The following FASTKD5 variants were observed in gnomAD, a reference collection of about 807,000 sequenced individuals.
FASTKD5 encodes the protein non-canonical pre-mRNAs endonuclease FASTKD5, mitochondrial.
FASTKD5 carries 30 observed loss-of-function variants against 44.0 expected under a neutral mutation model. That is an observed-to-expected ratio of 0.68 (90% CI 0.51 to 0.93). FASTKD5 has a LOEUF of 0.93. FASTKD5 is among the 40% of genes least tolerant of loss of function. The probability of loss-of-function intolerance (pLI) is 0.00; values close to 1 mark genes in which losing one functional copy is unlikely to be tolerated. For missense variants in FASTKD5, 868 were observed against 908.2 expected, an observed-to-expected ratio of 0.96 and a Z score of 0.57; for synonymous variants, 335 against 342.2, an observed-to-expected ratio of 0.98 and a Z score of 0.23.
At position 3,147,119 on chromosome 20, in the gene FASTKD5, C is replaced by T; in HGVS notation, c.1952G>A (p.Gly651Glu). The stretch of plus-strand genomic sequence containing the variant: ...ATTCTCCAACTCCATGGGCTGCTGC[C>T]CAGGCTCTGACTCAGTTTTGCCCTG... ...HFQGKTESEP[G>E]QQPMELENKA... The change falls in exon 2 of 2, where the codon GGG becomes GAG. Residue 651 changes from glycine to glutamate, a missense_variant. Coordinates refer to ENST00000380266, the MANE Select transcript of FASTKD5 (RefSeq NM_021826.5). 1.2e-6 allele frequency: 2 copies of T among 1,613,856 alleles called. No individual in the cohort carries two copies. Among genetic ancestry groups the T allele is most frequent in the Non-Finnish European group, 1.7e-6 (2 of 1,180,032 alleles).
chr20:3,154,394 A>G (rs548137826), intron 1 of FASTKD5, among the ~76,000 whole-genome samples: 5 of 152,370 alleles, frequency 3.3e-5, no homozygotes, highest in Non-Finnish European at 5.9e-5. Context: ...AGAATATGTT[A>G]CCACAGGCAG....
In FASTKD5 at chr20:3,148,789, G is replaced by GC; in HGVS notation, c.281dup (p.Ser95LeufsTer8). On this transcript the variant is annotated frameshift_variant, in exon 2 of 2. Coordinates refer to ENST00000380266, the MANE Select transcript of FASTKD5 (RefSeq NM_021826.5). LOFTEE classifies it high-confidence loss of function. ...CATCAACTCCTGTGGCCCTGGGTGA[G>GC]CCCAGCTGCAATGTACTGGCCTTAG... 6.2e-7 allele frequency: 1 copy of GC among 1,614,240 alleles called. No individual in the cohort carries two copies. The highest frequency in any genetic ancestry group is 8.5e-7 in the Non-Finnish European group (1 of 1,180,046).
chr20:3,149,087 A>T lies in FASTKD5; in HGVS notation c.-17T>A. 1.3e-6 allele frequency: 2 copies of T among 1,595,064 alleles called. No individual in the cohort carries two copies. Among genetic ancestry groups the T allele is most frequent in the Non-Finnish European group, 1.7e-6 (2 of 1,170,270 alleles). On this transcript the variant is annotated 5_prime_UTR_variant, in exon 2 of 2. Transcript: ENST00000380266. The surrounding 1 kb of genome is among the most constrained non-coding windows in gnomAD (Gnocchi z 4.1). ...AGCTGCCATTCTGGTGTCAGTATTG[A>T]TCTCTTTGGCAGTCAGAATACAGTC...
intron 1 of FASTKD5, chr20:3,150,718 G>C (rs1373294924): frequency 2.0e-5 from 3 of 152,190 alleles, no homozygotes; most frequent in Admixed American, 2.0e-4. Context: ...TCATCATTTA[G>C]TTCATCAAAG....
rs141842733 is a variant in FASTKD5, at chr20:3,146,831, G to C, written c.2240C>G (p.Thr747Ser). The change falls in exon 2 of 2, where the codon ACT (threonine) becomes AGT (serine). Residue 747 changes from threonine to serine, a missense_variant. Coordinates refer to ENST00000380266, the MANE Select transcript of FASTKD5 (RefSeq NM_021826.5). The stretch of plus-strand genomic sequence containing the variant: ...AAGAAACGCCAACTTTTCTAAGCGA[G>C]TTCGTTTCAGTAGTGGGAGCCATTC... ...YWEWLPLLKR[T>S]RLEKLAFLHE... The C allele has an allele frequency of 6.6e-5, 106 of 1,614,066 alleles. No individual in the cohort carries two copies. Among genetic ancestry groups the C allele is most frequent in the Non-Finnish European group, 8.3e-5 (98 of 1,180,030 alleles).
Position 3,150,000 on chromosome 20 carries a change from A to C in FASTKD5, c.-190-740T>G, listed in dbSNP as rs1461105946. Reference sequence around the variant, plus strand: ...TGCCACTGCACTCCAGCCTAGGCGAAAAAGTGAGACTCCATCTCAAAAAAA... The same window carrying C: ...TGCCACTGCACTCCAGCCTAGGCGACAAAGTGAGACTCCATCTCAAAAAAA... On this transcript the variant is annotated intron_variant, in intron 1 of 1. Coordinates refer to ENST00000380266, the MANE Select transcript of FASTKD5 (RefSeq NM_021826.5). The surrounding 1 kb of genome is among the most constrained non-coding windows in gnomAD (Gnocchi z 4.1). Among the ~76,000 whole-genome samples, 2 of 151,708 alleles carry C rather than the reference A, an allele frequency of 1.3e-5. No individual in the cohort carries two copies. Among genetic ancestry groups the C allele is most frequent in the African/African-American group, 4.9e-5 (2 of 41,200 alleles).
chr20:3,159,139 T>A (rs1186796385), intron 1 of FASTKD5, among the ~76,000 whole-genome samples: 1 of 152,188 alleles, frequency 6.6e-6, no homozygotes, highest in African/African-American at 2.4e-5. Flanking sequence ...CAACTATTCT[T>A]ACCCACGGAA....
rs1055853886 is a variant in FASTKD5 at position 3,148,078 on chromosome 20, A to G, written c.993T>C (p.Asn331=). ...TTTTCCGCATGACAAATTCAGAGAG[A>G]TTAGTACTTGATTTAAAGAACCCCA... is the stretch of plus-strand genomic sequence containing the variant. ...ICLGFFKSST[N]LSEFVMRKIG... The change falls in exon 2 of 2, where the codon AAT becomes AAC. Residue 331 remains asparagine, a synonymous_variant. Coordinates refer to ENST00000380266, the MANE Select transcript of FASTKD5 (RefSeq NM_021826.5). The G allele has an allele frequency of 4.3e-6, 7 of 1,614,046 alleles. No homozygotes were observed. The African/African-American group carries it at 5.3e-5, about 12-fold the overall frequency.
chr20:3,158,234 G>A (rs2066709461), intron 1 of FASTKD5, among the ~76,000 whole-genome samples: 1 of 152,012 alleles, frequency 6.6e-6, no homozygotes, highest in South Asian at 2.1e-4. Flanking sequence ...GCCTCCCAAA[G>A]TGCTGGGATT....
In FASTKD5 at chr20:3,147,631, T is replaced by C. The variant is rs1400118741; in HGVS notation, c.1440A>G (p.Ala480=). 1 of 1,614,178 alleles carries C rather than the reference T, an allele frequency of 6.2e-7. No homozygotes were observed. The highest frequency in any genetic ancestry group is 8.5e-7 in the Non-Finnish European group (1 of 1,180,024). Residue 480 remains alanine (A), a synonymous_variant, in exon 2 of 2, where the codon GCA becomes GCG. Coordinates refer to ENST00000380266, the MANE Select transcript of FASTKD5 (RefSeq NM_021826.5). ...ACTCTACTGGAAAGTACTCCAAAAA[T>C]GCCAGGCCCAGCAGGCAGGTGGGCA... ...EHLPTCLLGL[A]FLEYFPVELI... is the part of the protein sequence containing the mutation.
chr20:3,151,706 AAT>A (rs1024363275), intron 1 of FASTKD5: 5 of 152,014 alleles, frequency 3.3e-5, no homozygotes, highest in Admixed American at 2.6e-4. Context: ...GTACTAAAAT[AAT>A]GTTTTTCTTT....
rs2148619518 is a variant in FASTKD5, at chr20:3,147,610, T to C, written c.1461A>G (p.Val487=). 3.7e-6 allele frequency: 6 copies of C among 1,614,208 alleles called. No homozygotes were observed. Among genetic ancestry groups the C allele is most frequent in the Non-Finnish European group, 5.1e-6 (6 of 1,180,046 alleles). ...GACTGAGAGCGAAATCAATTAACTC[T>C]ACTGGAAAGTACTCCAAAAATGCCA... ...LGLAFLEYFP[V]ELIDFALSPG... Residue 487 remains valine, a synonymous_variant, in exon 2 of 2, where the codon GTA becomes GTG. Coordinates refer to ENST00000380266, the MANE Select transcript of FASTKD5 (RefSeq NM_021826.5).
chr20:3,152,020 G>A (rs561284008), intron 1 of FASTKD5: 1 of 149,428 alleles, frequency 6.7e-6, no homozygotes, highest in East Asian at 2.0e-4. Flanking sequence ...CACAAGAGTC[G>A]CTTGAACCCA....
At chr20:3,154,546 G>A (rs1368524715) in intron 1 of FASTKD5, among the ~76,000 whole-genome samples, 1 of 152,068 alleles carries the variant, frequency 6.6e-6, no homozygotes, top group African/African-American at 2.4e-5. Flanking sequence ...AGCCAAGCCT[G>A]GTGGCACACA....
intron 1 of FASTKD5, among the ~76,000 whole-genome samples, chr20:3,157,884 G>A (rs1254264048): frequency 3.3e-5 from 5 of 152,092 alleles, no homozygotes; most frequent in African/African-American, 9.7e-5. Context: ...AAATAAAGAA[G>A]GAGTTTCAGA....
At position 3,149,175 on chromosome 20, in the gene FASTKD5, G is replaced by A. The variant is rs999396697; in HGVS notation, c.-105C>T. ...TGCTTGATTAGAGCTGGACGGGGAG[G>A]TGTTCCACAAAAACTGCCTGGAAAT... On this transcript the variant is annotated 5_prime_UTR_variant, in exon 2 of 2. Coordinates refer to ENST00000380266, the MANE Select transcript of FASTKD5 (RefSeq NM_021826.5). The surrounding 1 kb of genome is among the most constrained non-coding windows in gnomAD (Gnocchi z 4.1). 10 of 1,300,040 alleles carry A rather than the reference G, an allele frequency of 7.7e-6. No homozygotes were observed. The African/African-American group carries it at 1.5e-4, about 19-fold the overall frequency. The allele number at this position is 1,300,040 out of a possible 1,614,324, so 80.5% of individuals were successfully genotyped here.
Position 3,149,035 on chromosome 20 carries a change from T to C in FASTKD5, c.36A>G (p.Arg12=). The change falls in exon 2 of 2, where the codon AGA becomes AGG. Residue 12 remains arginine, a synonymous_variant. Coordinates refer to ENST00000380266, the MANE Select transcript of FASTKD5 (RefSeq NM_021826.5). This position sits in a 1 kb window ranked among gnomAD's most constrained non-coding sequence, Gnocchi z 4.1. ...AATLKSLKLV[R]YRAFCSPSAF... The stretch of plus-strand genomic sequence containing the variant: ...CAGAAGGACTGCAAAATGCTCGGTA[T>C]CTTACAAGTTTTAATGACTTGAGAG... 6.2e-7 allele frequency: 1 copy of C among 1,613,638 alleles called. No individual in the cohort carries two copies. The highest frequency in any genetic ancestry group is 8.5e-7 in the Non-Finnish European group (1 of 1,179,750).
chr20:3,148,637 T>C lies in FASTKD5; in HGVS notation c.434A>G (p.Glu145Gly). 2 of 1,614,168 alleles carry C rather than the reference T, an allele frequency of 1.2e-6. No individual in the cohort carries two copies. Among genetic ancestry groups the C allele is most frequent in the Non-Finnish European group, 1.7e-6 (2 of 1,180,016 alleles). The change falls in exon 2 of 2, where the codon GAA becomes GGA. Residue 145 changes from glutamate to glycine, a missense_variant. Physicochemically the swap from Glu to Gly is moderately conservative, Grantham distance 98. Coordinates refer to ENST00000380266, the MANE Select transcript of FASTKD5 (RefSeq NM_021826.5). ...AACTCTGACTTTGTGCAAAATTAGT[T>C]CACCTTCTGAAACAGACAGGAGCTG... Reference protein sequence around the residue: ...TSQLLSVSEGELILHKVRVNQ... With the variant: ...TSQLLSVSEGGLILHKVRVNQ...
rs2066602188 is a variant in FASTKD5, at chr20:3,149,392, C to T, written c.-190-132G>A. 3.2e-6 allele frequency: 1 copy of T among 310,090 alleles called. No homozygotes were observed. Among genetic ancestry groups the T allele is most frequent in the Non-Finnish European group, 5.9e-6 (1 of 168,080 alleles). 19.2% of individuals were successfully genotyped at this position (310,090 alleles called of 1,614,324 possible). A position where few individuals can be genotyped will look rare whatever the true frequency, so the allele number is the denominator to read the frequency against. On this transcript the variant is annotated intron_variant, in intron 1 of 1. Transcript: ENST00000380266. The surrounding 1 kb of genome is among the most constrained non-coding windows in gnomAD (Gnocchi z 4.1). The stretch of plus-strand genomic sequence containing the variant: ...GTTCAATGCTAGTAAATGCCCAAAC[C>T]ACATGACAGCATATATCAAGGATAA...
Sources: allele counts gnomAD v4.1 joint callset (sites outside exome capture counted in the v4.1 genomes callset), GRCh38; gene constraint gnomAD v4.1.1; non-coding constraint Gnocchi (gnomAD v3.1); transcripts MANE v1.5; gene names NCBI Gene and HGNC (gene_info 2026-07-23, HGNC 2026-07-21).